The following TRIM66 variants were observed in gnomAD, a reference collection of about 807,000 sequenced individuals.
TRIM66 encodes tripartite motif-containing protein 66.
Under a neutral mutation model 148.2 loss-of-function variants are expected in TRIM66, and 99 were observed. The observed-to-expected ratio is 0.67, with a 90% CI of 0.57 to 0.79. The LOEUF is 0.79. Ranked by LOEUF, TRIM66 falls within the 30% of genes least tolerant of loss-of-function variation. The pLI is 0.00. For synonymous variants in TRIM66, 616 were observed against 635.9 expected, an observed-to-expected ratio of 0.97 and a Z score of 0.47; for missense variants, 1,666 against 1,697.9, an observed-to-expected ratio of 0.98 and a Z score of 0.33.
At chr11:8,644,745 T>C (rs2133157838) in intron 12 of TRIM66, among the ~76,000 whole-genome samples, 1 of 152,350 alleles carries the variant, frequency 6.6e-6, no homozygotes, top group East Asian at 1.9e-4. Context: ...TTTATTTTTC[T>C]TCTTTTCACT....
intron 17 of TRIM66, 87 bp downstream of exon 17, chr11:8,624,272 T>C (rs1169140777): frequency 4.2e-6 from 6 of 1,420,216 alleles, no homozygotes; most frequent in East Asian, 5.0e-5. Flanking sequence ...GCTTAGAGCT[T>C]GTCTGCTGGC....
Position 8,621,793 on chromosome 11 carries a change from G to A in TRIM66, c.3107C>T (p.Pro1036Leu), listed in dbSNP as rs2034245609. 1 of 1,549,698 alleles carries A rather than the reference G, an allele frequency of 6.5e-7. No homozygotes were observed. Among genetic ancestry groups the A allele is most frequent in the Non-Finnish European group, 8.7e-7 (1 of 1,146,304 alleles). The change falls in exon 19 of 25, where the codon CCC becomes CTC. Residue 1036 changes from proline to leucine, a missense_variant. Around this residue, in one of 3 missense-constraint regions of TRIM66, gnomAD observed 1,431 missense variants for 1,412.4 expected, o/e 1.01. Transcript: ENST00000646038. ...CTTGAGTCGCTCCAGTCGCACATAGGGAATCTTATGCTCACTATTGAAGGC... is the reference window on the plus strand; with the variant it reads ...CTTGAGTCGCTCCAGTCGCACATAGAGAATCTTATGCTCACTATTGAAGGC... The part of the protein sequence containing the change: ...IRAFNSEHKI[P>L]YVRLERLKIC...
intron 6 of TRIM66, chr11:8,663,292 C>T (rs1413353921): frequency 6.6e-6 from 1 of 152,218 alleles, no homozygotes; most frequent in Non-Finnish European, 1.5e-5. Context: ...AATTCAAATA[C>T]TGAGTATACA....
In TRIM66 at chr11:8,638,738, G is replaced by A. The variant is rs1291046516; in HGVS notation, c.2226C>T (p.Pro742=). The change falls in exon 15 of 25, where the codon CCC becomes CCT. Residue 742 remains proline (P), a synonymous_variant. Transcript: ENST00000646038. ...PLDKNTAAAL[P]QASGEETPLS... is the part of the protein sequence containing the mutation. Reference sequence around the variant, plus strand: ...GAGGGGTTTCTTCCCCAGACGCCTGGGGCAAGGCAGCAGCAGTATTCTTGT... The same window carrying A: ...GAGGGGTTTCTTCCCCAGACGCCTGAGGCAAGGCAGCAGCAGTATTCTTGT... The A allele has an allele frequency of 6.4e-7, 1 of 1,550,628 alleles. No homozygotes were observed. The highest frequency in any genetic ancestry group is 1.2e-5 in the South Asian group (1 of 84,008).
rs972500122 is a variant in TRIM66, at chr11:8,621,693, G to A, written c.3207C>T (p.Phe1069=). ...KPQKNDQDGS[F]LLIIECGTES... is the part of the protein sequence containing the mutation. ...CAGTGCCACACTCGATGATCAGCAG[G>A]AAGCTCCCATCCTGATCATTCTTCT... is the stretch of plus-strand genomic sequence containing the variant. The change falls in exon 19 of 25, where the codon TTC becomes TTT. Residue 1069 remains phenylalanine, a synonymous_variant. Transcript: ENST00000646038. 8 of 1,550,768 alleles carry A rather than the reference G, an allele frequency of 5.2e-6. No homozygotes were observed. The highest frequency in any genetic ancestry group is 6.1e-6 in the Non-Finnish European group (7 of 1,146,642).
chr11:8,649,609 G>A, intron 8 of TRIM66, 131 bp downstream of exon 8: 2 of 1,272,098 alleles, frequency 1.6e-6, no homozygotes, highest in Non-Finnish European at 1.1e-6. Flanking sequence ...CTTCCTTTGG[G>A]AAAGGCTCTG....
chr11:8,624,162 A>G (rs1004187099), intron 17 of TRIM66, among the ~76,000 whole-genome samples, 197 bp downstream of exon 17: 3 of 152,196 alleles, frequency 2.0e-5, no homozygotes, highest in Admixed American at 6.5e-5. Context: ...CCATGCCTAG[A>G]TCAGCCATGG....
chr11:8,628,750 C>A (rs1247368347), intron 15 of TRIM66, among the ~76,000 whole-genome samples: 3 of 151,018 alleles, frequency 2.0e-5, no homozygotes, highest in Non-Finnish European at 1.5e-5. Flanking sequence ...TGTTCTATTT[C>A]TTTTCCTTCC....
chr11:8,646,698 G>T, intron 10 of TRIM66, 137 bp from the exon 11 acceptor site: 1 of 654,016 alleles, frequency 1.5e-6, no homozygotes. Context: ...ACAAAAAAAA[G>T]AGAGCCTTCC....
chr11:8,624,814 T>C lies in TRIM66; in HGVS notation c.2725A>G (p.Met909Val). Residue 909 changes from methionine to valine, a missense_variant, in exon 16 of 25, where the codon ATG becomes GTG. By Grantham distance (21) the Met-to-Val change is conservative. Around this residue, in one of 3 missense-constraint regions of TRIM66, gnomAD observed 1,431 missense variants for 1,412.4 expected, o/e 1.01. Transcript: ENST00000646038. ...GAGCTGGACCCAGTTTCTGGCTGCA[T>C]GTCAGAAACTGGAGGGATGCTCTGC... ...PLQSIPPVSD[M>V]QPETGSSSSS... 1 of 1,551,664 alleles carries C rather than the reference T, an allele frequency of 6.4e-7. No individual in the cohort carries two copies. Among genetic ancestry groups the C allele is most frequent in the Non-Finnish European group, 8.7e-7 (1 of 1,146,980 alleles).
chr11:8,628,156 C>G (rs1318154404), intron 15 of TRIM66, among the ~76,000 whole-genome samples: 1 of 150,394 alleles, frequency 6.6e-6, no homozygotes, highest in Non-Finnish European at 1.5e-5. Flanking sequence ...ATTTTTTTTT[C>G]TTTACATTTG....
intron 15 of TRIM66, among the ~76,000 whole-genome samples, chr11:8,636,089 G>C (rs778846040): frequency 6.6e-6 from 1 of 151,622 alleles, no homozygotes; most frequent in Non-Finnish European, 1.5e-5. Flanking sequence ...CTGGCCTTTT[G>C]AGATATCTTC....
Position 8,615,390 on chromosome 11 carries a change from T to C in TRIM66, c.*2554A>G, listed in dbSNP as rs1179448194. ...CATAAGAATCTAGAACTCACCGTAT[T>C]TCCACTGCATGATGTTGTCAAGGAC... On this transcript the variant is annotated 3_prime_UTR_variant, in exon 25 of 25. Coordinates refer to ENST00000646038, the MANE Select transcript of TRIM66 (RefSeq NM_001388022.1). 6.6e-6 allele frequency: 1 copy of C among 152,176 alleles called. No individual in the cohort carries two copies. Among genetic ancestry groups the C allele is most frequent in the African/African-American group, 2.4e-5 (1 of 41,436 alleles). The allele number at this position is 152,176 out of a possible 1,614,324, so 9.4% of individuals were successfully genotyped here.
chr11:8,669,266 C>A (rs2038787075), intron 6 of TRIM66, among the ~76,000 whole-genome samples: 1 of 152,204 alleles, frequency 6.6e-6, no homozygotes, highest in South Asian at 2.1e-4. Flanking sequence ...ACGGTAAAGT[C>A]ACAGGCACCA....
chr11:8,668,735 G>A (rs962768964), intron 6 of TRIM66, among the ~76,000 whole-genome samples: 3 of 151,982 alleles, frequency 2.0e-5, no homozygotes, highest in Non-Finnish European at 2.9e-5. Flanking sequence ...ACAGGCGCAC[G>A]CTGCCACGCC....
Position 8,617,846 on chromosome 11 carries a change from T to C in TRIM66, c.*98A>G. 1 of 1,193,918 alleles carries C rather than the reference T, an allele frequency of 8.4e-7. No homozygotes were observed. The highest frequency in any genetic ancestry group is 1.2e-6 in the Non-Finnish European group (1 of 824,504). The allele number at this position is 1,193,918 out of a possible 1,614,324, so 74.0% of individuals were successfully genotyped here. A position where few individuals can be genotyped will look rare whatever the true frequency, so the allele number is the denominator to read the frequency against. ...ACTACACAGTTCAACAAGACTCATC[T>C]ACCATCCACACTCTGAAGAGGATAA... On this transcript the variant is annotated 3_prime_UTR_variant, in exon 25 of 25. Coordinates refer to ENST00000646038, the MANE Select transcript of TRIM66 (RefSeq NM_001388022.1).
At chr11:8,681,834 AAGCG>A (rs1221235403) in intron 1 of TRIM66, among the ~76,000 whole-genome samples, 2 of 152,066 alleles carry the variant, frequency 1.3e-5, no homozygotes, top group African/African-American at 4.8e-5. Context: ...ACAGGTGGGG[AAGCG>A]AGCAACTGTC....
chr11:8,666,456 T>C (rs2038605754), intron 6 of TRIM66, among the ~76,000 whole-genome samples: 1 of 152,100 alleles, frequency 6.6e-6, no homozygotes, highest in South Asian at 2.1e-4. Flanking sequence ...TAACAGGCTT[T>C]TTTCCCCTAT....
chr11:8,670,919 A>G (rs1781290250), intron 6 of TRIM66, among the ~76,000 whole-genome samples: 1 of 152,222 alleles, frequency 6.6e-6, no homozygotes, highest in African/African-American at 2.4e-5. Context: ...TCACAATGAA[A>G]CACTAATTTT....
Sources: gnomAD v4.1 joint callset for allele counts (sites outside exome capture counted in the v4.1 genomes callset) on GRCh38, gnomAD v4.1.1 for gene constraint, gnomAD v4.1.1 regional missense constraint, MANE v1.5 for transcripts, NCBI Gene and HGNC (gene_info 2026-07-23, HGNC 2026-07-21) for gene names.